The following GRIA3 variants were observed in gnomAD, a reference collection of about 807,000 sequenced individuals.
GRIA3 encodes glutamate ionotropic receptor AMPA type subunit 3.
In GRIA3, 3 loss-of-function variants were observed where a neutral mutation model predicts 63.0. The ratio of observed to expected loss-of-function variants is 0.05; its 90% confidence interval spans 0.02 to 0.12. The LOEUF (loss-of-function observed/expected upper bound fraction) is 0.12, where lower values mean the gene tolerates loss of function less well. GRIA3 is among the 10% of genes least tolerant of loss of function. The probability of loss-of-function intolerance (pLI) is 1.00; values close to 1 mark genes in which losing one functional copy is unlikely to be tolerated. For synonymous variants in GRIA3, 274 were observed against 257.9 expected, an observed-to-expected ratio of 1.06 and a Z score of -0.60; for missense variants, 347 against 700.9, an observed-to-expected ratio of 0.50 and a Z score of 5.70.
rs753642899 is a variant in GRIA3 at position 123,316,295 on chromosome X, A to T, written c.509-9731A>T. Among the ~76,000 whole-genome samples, 124 of 111,938 alleles carry T rather than the reference A, an allele frequency of 1.1e-3. 1 individual carries two copies. Among genetic ancestry groups the T allele is most frequent in the African/African-American group, 3.6e-3 (112 of 30,802 alleles). On this transcript the variant is annotated intron_variant, in intron 3 of 15. Transcript: ENST00000620443. ...GATGAATAAACATGGACAAAAAAATAAAAAAGTCACTAGCTTTACTAATAA... is the reference window on the plus strand; with the variant it reads ...GATGAATAAACATGGACAAAAAAATTAAAAAGTCACTAGCTTTACTAATAA...
chrX:123,219,373 A>ATGAG (rs1603032056), intron 2 of GRIA3, among the ~76,000 whole-genome samples: 1 of 112,121 alleles, frequency 8.9e-6, no homozygotes, highest in Admixed American at 9.4e-5. Context: ...ATGTTTTAGA[A>ATGAG]TGAGTCTACC....
intron 4 of GRIA3, among the ~76,000 whole-genome samples, chrX:123,327,681 T>C (rs1439196576): frequency 9.0e-6 from 1 of 110,864 alleles, no homozygotes; most frequent in Non-Finnish European, 1.9e-5. Flanking sequence ...CTCTATATCG[T>C]AGAAATACAA....
intron 12 of GRIA3, among the ~76,000 whole-genome samples, chrX:123,458,083 C>T (rs201491636): frequency 6.3e-5 from 7 of 110,575 alleles, no homozygotes; most frequent in Non-Finnish European, 1.1e-4. Context: ...GGCTGTACAT[C>T]GTGTCGGGAA....
At chrX:123,252,458 T>C (rs1455849050) in intron 2 of GRIA3, among the ~76,000 whole-genome samples, 22 of 112,270 alleles carry the variant, frequency 2.0e-4, no homozygotes, top group Non-Finnish European at 3.8e-4. Context: ...TGTAGCTGAT[T>C]TGTTTTGCTA....
chrX:123,320,001 G>A lies in GRIA3; in HGVS notation c.509-6025G>A, dbSNP rs773323810. 2.0e-4 allele frequency among the ~76,000 whole-genome samples: 22 copies of A among 111,566 alleles called. No individual in the cohort carries two copies. The South Asian group carries it at 6.8e-3, about 35-fold the overall frequency. ...TTTTATTGCTCCAGAGTAAGCCTTG[G>A]CCATCCATTTTTCATACTTCCTAGG... On this transcript the variant is annotated intron_variant, in intron 3 of 15. Coordinates refer to ENST00000620443, the MANE Select transcript of GRIA3 (RefSeq NM_007325.5).
chrX:123,400,191 G>C (rs1390145717), intron 7 of GRIA3, among the ~76,000 whole-genome samples: 1 of 111,038 alleles, frequency 9.0e-6, no homozygotes, highest in African/African-American at 3.3e-5. Flanking sequence ...CTATCAGAAT[G>C]AAGGATAAGA....
intron 5 of GRIA3, among the ~76,000 whole-genome samples, chrX:123,366,617 C>T (rs1367451259): frequency 8.9e-6 from 1 of 111,907 alleles, no homozygotes; most frequent in Non-Finnish European, 1.9e-5. Context: ...GCAATATATT[C>T]CACAACAGTA....
intron 12 of GRIA3, among the ~76,000 whole-genome samples, chrX:123,436,292 A>G (rs2045643557): frequency 9.1e-6 from 1 of 109,420 alleles, no homozygotes; most frequent in East Asian, 2.8e-4. Flanking sequence ...GATGGAAGAG[A>G]TGTGGGTTTG....
At chrX:123,330,081 C>T (rs1305957203) in intron 4 of GRIA3, among the ~76,000 whole-genome samples, 3 of 111,579 alleles carry the variant, frequency 2.7e-5, no homozygotes, top group Admixed American at 9.5e-5. Context: ...TCCATTTTTT[C>T]GTAGTAAAGT....
chrX:123,253,505 G>A lies in GRIA3; in HGVS notation c.471G>A (p.Lys157=). 1 of 1,206,759 alleles carries A rather than the reference G, an allele frequency of 8.3e-7. No homozygotes were observed. Among genetic ancestry groups the A allele is most frequent in the East Asian group, 3.0e-5 (1 of 33,725 alleles). The change falls in exon 3 of 16, where the codon AAG becomes AAA. Residue 157 remains lysine (K), a synonymous_variant. Coordinates refer to ENST00000620443, the MANE Select transcript of GRIA3 (RefSeq NM_007325.5). Reference sequence around the variant, plus strand: ...TTCTGAGTCTTCTGGGTCATTACAAGTGGGAGAAGTTTGTGTACCTCTATG... The same window carrying A: ...TTCTGAGTCTTCTGGGTCATTACAAATGGGAGAAGTTTGTGTACCTCTATG... ...GAILSLLGHY[K]WEKFVYLYDT...
intron 5 of GRIA3, among the ~76,000 whole-genome samples, chrX:123,388,545 C>T (rs758813993): frequency 1.8e-5 from 2 of 111,958 alleles, no homozygotes; most frequent in Non-Finnish European, 3.8e-5. Context: ...CGTGCCAGGC[C>T]GATTTTTCAT....
At chrX:123,361,503 T>A (rs991218051) in intron 5 of GRIA3, among the ~76,000 whole-genome samples, 10 of 111,269 alleles carry the variant, frequency 9.0e-5, no homozygotes, top group Non-Finnish European at 1.5e-4. Context: ...AGCTCAGGAT[T>A]CACTTTCTTC....
intron 3 of GRIA3, among the ~76,000 whole-genome samples, chrX:123,262,398 T>C (rs995853451): frequency 3.6e-5 from 4 of 111,772 alleles, no homozygotes; most frequent in Middle Eastern, 4.6e-3. Flanking sequence ...GGAATGCTGG[T>C]ACACATCCTA....
At chrX:123,465,508 C>T (rs1383825541) in intron 13 of GRIA3, among the ~76,000 whole-genome samples, 5 of 112,167 alleles carry the variant, frequency 4.5e-5, no homozygotes, top group Non-Finnish European at 9.4e-5. Flanking sequence ...ATGTTATCCT[C>T]CATGCCACCT....
Position 123,489,214 on chromosome X carries a change from C to T in GRIA3, c.*504C>T, listed in dbSNP as rs750938471. 1.8e-5 allele frequency: 2 copies of T among 111,958 alleles called. No homozygotes were observed. Among genetic ancestry groups the T allele is most frequent in the South Asian group, 7.5e-4 (2 of 2,660 alleles). 9.2% of individuals were successfully genotyped at this position (111,958 alleles called of 1,213,427 possible). A position where few individuals can be genotyped will look rare whatever the true frequency, so the allele number is the denominator to read the frequency against. On this transcript the variant is annotated 3_prime_UTR_variant, in exon 16 of 16. Transcript: ENST00000620443. ...ATCTGTCTCCCAGTGTTTGGGAAGA[C>T]GGACTGGCATTTCTTCTAGGATCTG...
At chrX:123,432,815 A>G (rs1406039562) in intron 12 of GRIA3, among the ~76,000 whole-genome samples, 1 of 112,153 alleles carries the variant, frequency 8.9e-6, no homozygotes, top group Non-Finnish European at 1.9e-5. Flanking sequence ...ATCACCAAAT[A>G]AGAAACTAAA....
intron 3 of GRIA3, among the ~76,000 whole-genome samples, chrX:123,301,214 G>T (rs923637704): frequency 1.8e-5 from 2 of 110,965 alleles, no homozygotes; most frequent in East Asian, 2.8e-4. Flanking sequence ...TTCAAGTCCT[G>T]AATATCTTTG....
chrX:123,453,290 G>C (rs1358301591), intron 12 of GRIA3, among the ~76,000 whole-genome samples: 2 of 110,272 alleles, frequency 1.8e-5, no homozygotes, highest in Admixed American at 1.9e-4. Context: ...CTATCAAAAG[G>C]ACAGAAAACC....
intron 3 of GRIA3, among the ~76,000 whole-genome samples, chrX:123,298,053 T>C (rs1208588939): frequency 2.7e-5 from 3 of 110,955 alleles, no homozygotes; most frequent in Non-Finnish European, 5.7e-5. Flanking sequence ...AAGGACACGA[T>C]TTTTTTTATG....
Sources: allele counts gnomAD v4.1 joint callset (sites outside exome capture counted in the v4.1 genomes callset), GRCh38; gene constraint gnomAD v4.1.1; transcripts MANE v1.5; gene names NCBI Gene and HGNC (gene_info 2026-07-23, HGNC 2026-07-21).